Variants in FRMPD4 observed in about 807,000 individuals in gnomAD.
FRMPD4 encodes the protein FERM and PDZ domain containing 4, also known as FERM and PDZ domain-containing protein 4.
Under a neutral mutation model 94.1 loss-of-function variants are expected in FRMPD4, and 22 were observed. The observed-to-expected ratio is 0.23, with a 90% CI of 0.17 to 0.33. The LOEUF (loss-of-function observed/expected upper bound fraction) is 0.33, where lower values mean the gene tolerates loss of function less well. Ranked by LOEUF, FRMPD4 falls within the 10% of genes least tolerant of loss-of-function variation. FRMPD4 has a pLI of 1.00. For synonymous variants in FRMPD4, 631 were observed against 548.6 expected, an observed-to-expected ratio of 1.15 and a Z score of -2.10; for missense variants, 1,111 against 1,339.9, an observed-to-expected ratio of 0.83 and a Z score of 2.67.
At chrX:12,433,224 T>A (rs1242645393) in intron 1 of FRMPD4, among the ~76,000 whole-genome samples, 1 of 112,070 alleles carries the variant, frequency 8.9e-6, no homozygotes, top group Admixed American at 9.5e-5. Flanking sequence ...CAAAAGGCAA[T>A]CTATTTCTGC....
chrX:12,332,468 G>T (rs374453851), intron 1 of FRMPD4, among the ~76,000 whole-genome samples: 1 of 109,619 alleles, frequency 9.1e-6, no homozygotes, highest in South Asian at 3.8e-4. Flanking sequence ...AGAAATAAGC[G>T]AGTTGATCAA....
At chrX:12,700,158 T>A (rs1198545599) in intron 9 of FRMPD4, among the ~76,000 whole-genome samples, 1 of 111,708 alleles carries the variant, frequency 9.0e-6, no homozygotes, top group African/African-American at 3.3e-5. Flanking sequence ...GATTCTAGTT[T>A]CTATGGCTAG....
intron 3 of FRMPD4, among the ~76,000 whole-genome samples, chrX:12,030,885 T>C (rs2054687744): frequency 8.9e-6 from 1 of 112,012 alleles, no homozygotes. Flanking sequence ...CATCTCCTTT[T>C]CTAAGGTACT....
chrX:12,427,841 G>T (rs1225617036), intron 1 of FRMPD4, among the ~76,000 whole-genome samples: 3 of 103,954 alleles, frequency 2.9e-5, no homozygotes, highest in African/African-American at 7.0e-5. Context: ...ATTTTAGACA[G>T]TATCGTTGAC....
intron 3 of FRMPD4, among the ~76,000 whole-genome samples, chrX:12,095,377 CAAA>C (rs201645954): frequency 4.1e-5 from 3 of 72,801 alleles, no homozygotes; most frequent in African/African-American, 4.9e-5. Context: ...CTCTCTGTCT[CAAA>C]AAAAAAAAAA....
At chrX:12,463,244 G>A (rs1409946723) in intron 1 of FRMPD4, among the ~76,000 whole-genome samples, 2 of 111,017 alleles carry the variant, frequency 1.8e-5, no homozygotes. Context: ...TGAGCAGGGC[G>A]CCCCCCACTG....
intron 3 of FRMPD4, among the ~76,000 whole-genome samples, chrX:11,925,763 G>A (rs1392186100): frequency 1.8e-5 from 2 of 111,571 alleles, no homozygotes; most frequent in Admixed American, 1.9e-4. Context: ...AGAGTTAGGA[G>A]GGAAATTTAT....
intron 1 of FRMPD4, among the ~76,000 whole-genome samples, chrX:12,171,819 G>T (rs1460757182): frequency 8.9e-6 from 1 of 111,914 alleles, no homozygotes; most frequent in East Asian, 2.8e-4. Flanking sequence ...GAGACTTGGG[G>T]ATGAAAGAAG....
At chrX:12,345,012 C>T (rs1324412623) in intron 1 of FRMPD4, among the ~76,000 whole-genome samples, 2 of 112,099 alleles carry the variant, frequency 1.8e-5, no homozygotes, top group Non-Finnish European at 3.8e-5. Flanking sequence ...ACAAGAAATT[C>T]CAGGCCTCAT....
chrX:12,434,115 C>T (rs1312266848), intron 1 of FRMPD4, among the ~76,000 whole-genome samples: 3 of 111,659 alleles, frequency 2.7e-5, no homozygotes, highest in African/African-American at 9.8e-5. Flanking sequence ...TAATGCTCTA[C>T]ATGATATGAC....
At chrX:11,878,455 T>A (rs748533704) in intron 3 of FRMPD4, among the ~76,000 whole-genome samples, 2 of 112,508 alleles carry the variant, frequency 1.8e-5, no homozygotes, top group Non-Finnish European at 3.8e-5. Context: ...AAAGATGCTG[T>A]CTTCTCAGTG....
At chrX:12,030,093 T>C (rs2054682860) in intron 3 of FRMPD4, among the ~76,000 whole-genome samples, 1 of 112,224 alleles carries the variant, frequency 8.9e-6, no homozygotes, top group Admixed American at 9.5e-5. Context: ...TTTACCTTTA[T>C]GCTATTGTGG....
intron 1 of FRMPD4, among the ~76,000 whole-genome samples, chrX:12,183,414 A>G (rs2056385732): frequency 8.9e-6 from 1 of 112,257 alleles, no homozygotes; most frequent in African/African-American, 3.2e-5. Flanking sequence ...ATACATTTAC[A>G]TTCATTGAAC....
intron 1 of FRMPD4, among the ~76,000 whole-genome samples, chrX:12,396,882 A>G (rs1244194361): frequency 8.9e-6 from 1 of 112,060 alleles, no homozygotes; most frequent in Non-Finnish European, 1.9e-5. Flanking sequence ...TTTATTACCA[A>G]TATAAACATA....
At chrX:11,883,796 C>A (rs950330128) in intron 3 of FRMPD4, among the ~76,000 whole-genome samples, 2 of 112,062 alleles carry the variant, frequency 1.8e-5, no homozygotes, top group Admixed American at 1.9e-4. Flanking sequence ...TGCCCTGAAT[C>A]CACACTGGGT....
chrX:12,589,162 T>A (rs2058959705), intron 2 of FRMPD4, among the ~76,000 whole-genome samples: 1 of 112,270 alleles, frequency 8.9e-6, no homozygotes, highest in African/African-American at 3.2e-5. Flanking sequence ...TAGATTTGAG[T>A]CTTAGAGCCT....
At chrX:12,453,990 G>T (rs918292526) in intron 1 of FRMPD4, among the ~76,000 whole-genome samples, 5 of 112,348 alleles carry the variant, frequency 4.5e-5, no homozygotes, top group African/African-American at 1.6e-4. Flanking sequence ...TTTTGTAAAT[G>T]CAGATGAAAT....
chrX:12,229,039 A>G (rs1381721998), intron 1 of FRMPD4, among the ~76,000 whole-genome samples: 2 of 112,351 alleles, frequency 1.8e-5, no homozygotes, highest in Non-Finnish European at 3.8e-5. Flanking sequence ...ATCAAAATTT[A>G]TACGTGAAAG....
chrX:12,154,918 C>T (rs997355729), intron 1 of FRMPD4, among the ~76,000 whole-genome samples: 1 of 112,468 alleles, frequency 8.9e-6, no homozygotes, highest in Non-Finnish European at 1.9e-5. Flanking sequence ...CATCATATGA[C>T]TGGGTTCAGA....
Sources: gnomAD v4.1 joint callset for allele counts (sites outside exome capture counted in the v4.1 genomes callset) on GRCh38, gnomAD v4.1.1 for gene constraint, MANE v1.5 for transcripts, NCBI Gene and HGNC (gene_info 2026-07-23, HGNC 2026-07-21) for gene names.